The following KDELR2 variants were observed in gnomAD, a reference collection of about 807,000 sequenced individuals.
KDELR2 encodes ER lumen protein-retaining receptor 2.
KDELR2 carries 15 observed loss-of-function variants against 23.9 expected under a neutral mutation model. That is an observed-to-expected ratio of 0.63 (90% CI 0.42 to 0.97). The LOEUF is 0.97. KDELR2 is among the 50% of genes least tolerant of loss of function. The pLI, the probability that KDELR2 is intolerant of heterozygous loss-of-function variation, is 0.00. For synonymous variants in KDELR2, 119 were observed against 106.2 expected, an observed-to-expected ratio of 1.12 and a Z score of -0.74; for missense variants, 272 against 254.6, an observed-to-expected ratio of 1.07 and a Z score of -0.46.
At position 6,469,747 on chromosome 7, in the gene KDELR2, T is replaced by A. The variant is rs1785586664; in HGVS notation, c.200A>T (p.Tyr67Phe). 1 of 1,608,988 alleles carries A rather than the reference T, an allele frequency of 6.2e-7. No homozygotes were observed. ...SLYNTSMKVI[Y>F]LACSYATVYL... The stretch of plus-strand genomic sequence containing the variant: ...CACTGTGGCATAGGAGCAGGCAAGG[T>A]AGATAACCTACAAATAAAAGAAAAA... Residue 67 changes from tyrosine to phenylalanine, a missense_variant, in exon 3 of 5, where the codon TAC becomes TTC. Physicochemically the swap from Tyr to Phe is conservative, Grantham distance 22 (BLOSUM62 3). Transcript: ENST00000258739.
intron 3 of KDELR2, among the ~76,000 whole-genome samples, chr7:6,467,859 G>C (rs1439441993): frequency 6.6e-6 from 1 of 152,212 alleles, no homozygotes; most frequent in Non-Finnish European, 1.5e-5. Context: ...CCGTTTGCCT[G>C]TTCAGCAGGG....
At chr7:6,482,832 C>CA (rs10525658) in intron 1 of KDELR2, among the ~76,000 whole-genome samples, 4,096 of 122,610 alleles carry the variant, frequency 0.033, 108 homozygotes, top group Middle Eastern at 0.089. Flanking sequence ...CAAAAAATAG[C>CA]AAAAAAAAAA....
intron 2 of KDELR2, among the ~76,000 whole-genome samples, chr7:6,471,308 A>G (rs1402427272): frequency 4.0e-5 from 6 of 149,388 alleles, no homozygotes; most frequent in Non-Finnish European, 8.9e-5. Context: ...CAACCTCCCA[A>G]GTAGCTGGGA....
chr7:6,483,921 C>A (rs775921129), intron 1 of KDELR2, 46 bp downstream of exon 1: 2 of 1,402,036 alleles, frequency 1.4e-6, no homozygotes, highest in Non-Finnish European at 1.9e-6. Flanking sequence ...TCGGCGAGAC[C>A]CGGCCCCCAC....
At chr7:6,479,140 A>G (rs1178538592) in intron 1 of KDELR2, among the ~76,000 whole-genome samples, 1 of 151,954 alleles carries the variant, frequency 6.6e-6, no homozygotes, top group Non-Finnish European at 1.5e-5. Flanking sequence ...TTTCTTGAGA[A>G]TAGAAACTTT....
chr7:6,463,054 T>G lies in KDELR2; in HGVS notation c.*87A>C, dbSNP rs763820568. The G allele has an allele frequency of 1.9e-6, 3 of 1,614,204 alleles. No individual in the cohort carries two copies. The Admixed American group carries it at 5.0e-5, about 27-fold the overall frequency. On this transcript the variant is annotated 3_prime_UTR_variant, in exon 5 of 5. Coordinates refer to ENST00000258739, the MANE Select transcript of KDELR2 (RefSeq NM_006854.4). ...AACAAAAGAGTTAAGTTTCTGATTTTCCGTATCAAGCATCTTATGCCTTTG... is the reference window on the plus strand; with the variant it reads ...AACAAAAGAGTTAAGTTTCTGATTTGCCGTATCAAGCATCTTATGCCTTTG...
chr7:6,477,030 G>A (rs1382278411), intron 1 of KDELR2, among the ~76,000 whole-genome samples: 1 of 152,218 alleles, frequency 6.6e-6, no homozygotes, highest in Admixed American at 6.5e-5. Context: ...TTATCTTCAT[G>A]TCATGGGGTC....
chr7:6,471,602 A>G (rs983744077), intron 2 of KDELR2, among the ~76,000 whole-genome samples: 5 of 152,134 alleles, frequency 3.3e-5, no homozygotes, highest in African/African-American at 1.2e-4. Context: ...ATGTTGTTTC[A>G]CTTCAAGTTG....
intron 2 of KDELR2, chr7:6,470,209 G>C (rs1785599140): frequency 6.6e-6 from 1 of 152,574 alleles, no homozygotes; most frequent in African/African-American, 2.4e-5. Flanking sequence ...ACATCCTTTG[G>C]TTGTAACACT....
chr7:6,470,003 G>A, intron 2 of KDELR2: 2 of 309,776 alleles, frequency 6.5e-6, no homozygotes, highest in Non-Finnish European at 1.2e-5. Flanking sequence ...CTGCCGCTTC[G>A]CAGTCAAACT....
chr7:6,467,269 C>A (rs1785521914), intron 3 of KDELR2, among the ~76,000 whole-genome samples: 4 of 152,228 alleles, frequency 2.6e-5, no homozygotes, highest in Admixed American at 1.3e-4. Flanking sequence ...CACTTCCTCA[C>A]TGCTGTTTTT....
intron 3 of KDELR2, among the ~76,000 whole-genome samples, 166 bp from the exon 4 acceptor site, chr7:6,466,489 A>G (rs1000372849): frequency 3.9e-5 from 6 of 152,184 alleles, no homozygotes; most frequent in African/African-American, 1.4e-4. Context: ...CAGTGGTCCC[A>G]GCCTTTTTGA....
chr7:6,483,120 C>A (rs1001244774), intron 1 of KDELR2, among the ~76,000 whole-genome samples: 6 of 152,212 alleles, frequency 3.9e-5, no homozygotes, highest in South Asian at 2.1e-4. Flanking sequence ...CCTAGCAGTG[C>A]CTGCATGAAA....
At chr7:6,482,304 A>C (rs1313120790) in intron 1 of KDELR2, 12 of 194,156 alleles carry the variant, frequency 6.2e-5, no homozygotes, top group Non-Finnish European at 7.7e-5. Flanking sequence ...CGGCCCTCCT[A>C]AGGTTATTTT....
chr7:6,472,403 C>A (rs1785667417), intron 2 of KDELR2, among the ~76,000 whole-genome samples: 1 of 152,158 alleles, frequency 6.6e-6, no homozygotes, highest in Non-Finnish European at 1.5e-5. Flanking sequence ...GGTCTCACGC[C>A]AGACTTTCAG....
intron 1 of KDELR2, among the ~76,000 whole-genome samples, chr7:6,475,454 A>G (rs1308575122): frequency 1.3e-5 from 2 of 152,178 alleles, no homozygotes; most frequent in South Asian, 4.1e-4. Context: ...AATAAAATAG[A>G]AATTCCATTG....
Position 6,462,109 on chromosome 7 carries a change from T to C in KDELR2, c.*1032A>G, listed in dbSNP as rs912447989. ...AACAAAACAAAACAAGAAACTACGA[T>C]GTCGGCTGCGGGTTAAATAAAAAGA... On this transcript the variant is annotated 3_prime_UTR_variant, in exon 5 of 5. Coordinates refer to ENST00000258739, the MANE Select transcript of KDELR2 (RefSeq NM_006854.4). The C allele has an allele frequency of 6.6e-6, 1 of 152,064 alleles. No individual in the cohort carries two copies. The highest frequency in any genetic ancestry group is 2.4e-5 in the African/African-American group (1 of 41,384). 9.4% of individuals were successfully genotyped at this position (152,064 alleles called of 1,614,324 possible).
At chr7:6,474,521 C>G (rs1785716095) in intron 1 of KDELR2, among the ~76,000 whole-genome samples, 1 of 152,150 alleles carries the variant, frequency 6.6e-6, no homozygotes, top group South Asian at 2.1e-4. Flanking sequence ...AGGGCGACCA[C>G]AGGAAAGGGG....
chr7:6,473,602 T>C (rs57410712), intron 2 of KDELR2, among the ~76,000 whole-genome samples: 1,701 of 152,188 alleles, frequency 0.011, 34 homozygotes, highest in African/African-American at 0.038. Flanking sequence ...TTAGGACAAG[T>C]TGAAAGGTTT....
Sources: allele counts gnomAD v4.1 joint callset (sites outside exome capture counted in the v4.1 genomes callset), GRCh38; gene constraint gnomAD v4.1.1; transcripts MANE v1.5; gene names NCBI Gene and HGNC (gene_info 2026-07-23, HGNC 2026-07-21).